TRAF5: variants seen among roughly 807,000 people sequenced by gnomAD.
TRAF5 encodes TNF receptor-associated factor 5.
A neutral mutation model predicts 64.5 loss-of-function variants in TRAF5; 48 were observed. That is an observed-to-expected ratio of 0.74 (90% confidence interval 0.59 to 0.95). The LOEUF (loss-of-function observed/expected upper bound fraction) is 0.95. Among genes scored for constraint, TRAF5 ranks in the 40% least tolerant of loss-of-function variants. The probability of loss-of-function intolerance (pLI) is 0.00; values close to 1 mark genes in which losing one functional copy is unlikely to be tolerated. For missense variants in TRAF5, 545 were observed against 662.8 expected (o/e 0.82, Z 1.95); for synonymous variants, 206 against 240.5 (o/e 0.86, Z 1.33).
At chr1:211,342,373 A>T (rs1702469744) in intron 1 of TRAF5, among the ~76,000 whole-genome samples, 1 of 151,590 alleles carries the variant, frequency 6.6e-6, no homozygotes, top group Admixed American at 6.6e-5. Context: ...ATGGGTGTGT[A>T]TTAGGTGTAT....
chr1:211,374,509 G>A lies in TRAF5; in HGVS notation c.*1807G>A, dbSNP rs186323245. The stretch of plus-strand genomic sequence containing the variant: ...GACTCACACTGCAGCAATCATCCCA[G>A]ATGATTAAATTCAAAGAAATAGGTT... On this transcript the variant is annotated 3_prime_UTR_variant, in exon 11 of 11. Coordinates refer to ENST00000261464, the MANE Select transcript of TRAF5 (RefSeq NM_001033910.3). 6.6e-6 allele frequency: 1 copy of A among 152,332 alleles called. No individual in the cohort carries two copies. Among genetic ancestry groups the A allele is most frequent in the East Asian group, 1.9e-4 (1 of 5,186 alleles). The allele number at this position is 152,332 out of a possible 1,614,324, so 9.4% of individuals were successfully genotyped here.
intron 3 of TRAF5, among the ~76,000 whole-genome samples, chr1:211,354,936 G>C (rs1027806568): frequency 6.6e-6 from 1 of 152,048 alleles, no homozygotes; most frequent in African/African-American, 2.4e-5. Flanking sequence ...ACTTTGGGAG[G>C]CTGAGGCAGG....
intron 4 of TRAF5, chr1:211,357,357 T>G (rs41304089): frequency 6.6e-6 from 1 of 152,348 alleles, no homozygotes; most frequent in Non-Finnish European, 1.5e-5. Context: ...AGGAATTTAT[T>G]TGGAGGTTCA....
chr1:211,364,607 A>T (rs956631595), intron 7 of TRAF5, among the ~76,000 whole-genome samples: 2 of 151,964 alleles, frequency 1.3e-5, no homozygotes, highest in Non-Finnish European at 2.9e-5. Flanking sequence ...AATCACTTGA[A>T]CCCAGGAGGT....
chr1:211,360,077 G>C lies in TRAF5; in HGVS notation c.543+1G>C. 6.2e-7 allele frequency: 1 copy of C among 1,613,894 alleles called. No homozygotes were observed. The highest frequency in any genetic ancestry group is 2.2e-5 in the East Asian group (1 of 44,882). On this transcript the variant is annotated splice_donor_variant, in intron 5 of 10. Coordinates refer to ENST00000261464, the MANE Select transcript of TRAF5 (RefSeq NM_001033910.3). LOFTEE classifies it high-confidence loss of function. ...GGATGTGGTAGTCATCAATCTACAG[G>C]TGAAAAACAACACATACAACAGTCA...
At chr1:211,362,693 A>G (rs561075052) in intron 7 of TRAF5, among the ~76,000 whole-genome samples, 12 of 152,268 alleles carry the variant, frequency 7.9e-5, no homozygotes, top group South Asian at 2.1e-4. Flanking sequence ...AAACAAACGA[A>G]AAAACCCCCC....
chr1:211,327,263 G>A (rs1572045030), intron 1 of TRAF5, among the ~76,000 whole-genome samples: 1 of 152,178 alleles, frequency 6.6e-6, no homozygotes, highest in East Asian at 1.9e-4. Context: ...TGCACTGGCG[G>A]GGAGGACTTT....
chr1:211,372,142 G>A lies in TRAF5; in HGVS notation c.1114G>A (p.Glu372Lys). 2 of 1,568,498 alleles carry A rather than the reference G, an allele frequency of 1.3e-6. No individual in the cohort carries two copies. Among genetic ancestry groups the A allele is most frequent in the Non-Finnish European group, 1.7e-6 (2 of 1,157,312 alleles). The change falls in exon 11 of 11, where the codon GAA becomes AAA. Residue 372 changes from glutamate to lysine, a missense_variant. Transcript: ENST00000261464. ...CTTATTTGCAGCCGTTTTAGAAGAGGAAACTAACAAACATGATACCCACAT... is the reference window on the plus strand; with the variant it reads ...CTTATTTGCAGCCGTTTTAGAAGAGAAAACTAACAAACATGATACCCACAT... ...NDQRLAVLEE[E>K]TNKHDTHINI... is the part of the protein sequence containing the mutation.
At position 211,372,113 on chromosome 1, in the gene TRAF5, TTTTC is replaced by T; in HGVS notation, c.1100-12_1100-9del. ...GGCCTATGGAATCTTTTTTTTTTTTTTTTCTTATTTGCAGCCGTTTTAGAAGAGG... is the reference window on the plus strand; with the variant it reads ...GGCCTATGGAATCTTTTTTTTTTTTTTTATTTGCAGCCGTTTTAGAAGAGG... On this transcript the variant is annotated splice_polypyrimidine_tract_variant and intron_variant, in intron 10 of 10. Coordinates refer to ENST00000261464, the MANE Select transcript of TRAF5 (RefSeq NM_001033910.3). 1 of 1,521,074 alleles carries T rather than the reference TTTTC, an allele frequency of 6.6e-7. No individual in the cohort carries two copies. The highest frequency in any genetic ancestry group is 8.8e-7 in the Non-Finnish European group (1 of 1,136,684). The allele number at this position is 1,521,074 out of a possible 1,614,324, so 94.2% of individuals were successfully genotyped here.
intron 1 of TRAF5, among the ~76,000 whole-genome samples, chr1:211,338,070 A>G (rs1572056775): frequency 1.3e-5 from 2 of 152,204 alleles, no homozygotes; most frequent in African/African-American, 4.8e-5. Context: ...CGAAGCTCCA[A>G]GAGATAAGAG....
Position 211,372,111 on chromosome 1 carries a change from T to C in TRAF5, c.1100-17T>C, listed in dbSNP as rs1165843332. 1.3e-6 allele frequency: 2 copies of C among 1,516,754 alleles called. No homozygotes were observed. Among genetic ancestry groups the C allele is most frequent in the East Asian group, 4.6e-5 (2 of 43,946 alleles). 94.0% of individuals were successfully genotyped at this position (1,516,754 alleles called of 1,614,324 possible). A position where few individuals can be genotyped will look rare whatever the true frequency, so the allele number is the denominator to read the frequency against. The stretch of plus-strand genomic sequence containing the variant: ...TAGGCCTATGGAATCTTTTTTTTTT[T>C]TTTTTCTTATTTGCAGCCGTTTTAG... On this transcript the variant is annotated splice_polypyrimidine_tract_variant and intron_variant, in intron 10 of 10. Coordinates refer to ENST00000261464, the MANE Select transcript of TRAF5 (RefSeq NM_001033910.3).
intron 1 of TRAF5, among the ~76,000 whole-genome samples, chr1:211,336,611 TGTAA>T (rs1193708032): frequency 1.3e-5 from 2 of 152,250 alleles, no homozygotes; most frequent in African/African-American, 2.4e-5. Flanking sequence ...ACAGTCATTC[TGTAA>T]GTATTTACTA....
rs1421145178 is a variant in TRAF5 at position 211,326,957 on chromosome 1, G to A, written c.-2+68G>A. The A allele has an allele frequency of 9.2e-6, 9 of 975,132 alleles. No homozygotes were observed. The African/African-American group carries it at 1.6e-4, about 17-fold the overall frequency. 60.4% of individuals were successfully genotyped at this position (975,132 alleles called of 1,614,324 possible). A position where few individuals can be genotyped will look rare whatever the true frequency, so the allele number is the denominator to read the frequency against. ...AGGGCCGGGGTGGGGACACCGACGA[G>A]CGCTTTTCATCTCGTCCCAGTTACT... On this transcript the variant is annotated intron_variant, in intron 1 of 10. Coordinates refer to ENST00000261464, the MANE Select transcript of TRAF5 (RefSeq NM_001033910.3). This position sits in a 1 kb window ranked among gnomAD's most constrained non-coding sequence, Gnocchi z 5.0.
chr1:211,354,631 T>G (rs916369873), intron 3 of TRAF5, among the ~76,000 whole-genome samples, 164 bp downstream of exon 3: 4 of 152,158 alleles, frequency 2.6e-5, no homozygotes, highest in African/African-American at 9.7e-5. Flanking sequence ...TAGCCCTGTT[T>G]GAGAGGCTTG....
At chr1:211,344,901 G>A (rs1197726742) in intron 1 of TRAF5, among the ~76,000 whole-genome samples, 2 of 152,024 alleles carry the variant, frequency 1.3e-5, no homozygotes, top group African/African-American at 4.8e-5. Context: ...CTACAGGCGT[G>A]CACCACCACA....
intron 1 of TRAF5, among the ~76,000 whole-genome samples, chr1:211,341,475 C>T (rs539262105): frequency 1.3e-5 from 2 of 152,310 alleles, no homozygotes; most frequent in African/African-American, 4.8e-5. Context: ...CTGTATATGG[C>T]CTCATATACC....
chr1:211,340,394 C>A (rs1480647827), intron 1 of TRAF5, among the ~76,000 whole-genome samples: 1 of 152,200 alleles, frequency 6.6e-6, no homozygotes, highest in African/African-American at 2.4e-5. Flanking sequence ...AAGTGATTCT[C>A]CTGCCTCAGC....
chr1:211,373,545 A>G lies in TRAF5; in HGVS notation c.*843A>G, dbSNP rs1236608648. On this transcript the variant is annotated 3_prime_UTR_variant, in exon 11 of 11. Transcript: ENST00000261464. ...ATACACCTATATATGTGTGTATACA[A>G]ACAGTTCGAATGTATTTTGGTGACA... 2 of 152,154 alleles carry G rather than the reference A, an allele frequency of 1.3e-5. No homozygotes were observed. Among genetic ancestry groups the G allele is most frequent in the African/African-American group, 2.4e-5 (1 of 41,414 alleles). The allele number at this position is 152,154 out of a possible 1,614,324, so 9.4% of individuals were successfully genotyped here.
Position 211,345,368 on chromosome 1 carries a change from C to G in TRAF5, c.-1-7871C>G, listed in dbSNP as rs113951708. Among the ~76,000 whole-genome samples, 1,055 of 152,040 alleles carry G rather than the reference C, an allele frequency of 6.9e-3. 17 individuals are homozygous for G. The highest frequency in any genetic ancestry group is 0.024 in the African/African-American group (989 of 41,496). On this transcript the variant is annotated intron_variant, in intron 1 of 10. Transcript: ENST00000261464. ...ACTGTGCCAGCCCTGCGCTCCCCCC[C>G]CCTCCTTTTTTTTTGCTTCCTGGTA... is the stretch of plus-strand genomic sequence containing the variant.
Sources: allele counts gnomAD v4.1 joint callset (sites outside exome capture counted in the v4.1 genomes callset), GRCh38; gene constraint gnomAD v4.1.1; non-coding constraint Gnocchi (gnomAD v3.1); transcripts MANE v1.5; gene names NCBI Gene and HGNC (gene_info 2026-07-23, HGNC 2026-07-21).